The following DAPK2 variants were observed in gnomAD, a reference collection of about 807,000 sequenced individuals.
DAPK2 encodes death-associated protein kinase 2.
Under a neutral mutation model 44.1 loss-of-function variants are expected in DAPK2, and 35 were observed. The ratio of observed to expected loss-of-function variants is 0.79; its 90% CI spans 0.61 to 1.05. The LOEUF is 1.05. Among genes scored for constraint, DAPK2 ranks in the 50% least tolerant of loss-of-function variants. The probability of loss-of-function intolerance (pLI) is 0.00; values close to 1 mark genes in which losing one functional copy is unlikely to be tolerated. For missense variants in DAPK2, 453 were observed against 483.2 expected, an observed-to-expected ratio of 0.94 and a Z score of 0.59; for synonymous variants, 174 against 182.6, an observed-to-expected ratio of 0.95 and a Z score of 0.38.
At chr15:63,999,014 C>G (rs76604991) in intron 1 of DAPK2, among the ~76,000 whole-genome samples, 12,642 of 152,190 alleles carry the variant, frequency 0.083, 761 homozygotes, top group South Asian at 0.31. Context: ...GAGGGCAGGG[C>G]TGTTTTGTGA....
At chr15:63,946,834 C>T (rs1462400866) in intron 3 of DAPK2, among the ~76,000 whole-genome samples, 1 of 152,160 alleles carries the variant, frequency 6.6e-6, no homozygotes. Context: ...AGCTGCCTAC[C>T]AATCTTCACC....
intron 3 of DAPK2, among the ~76,000 whole-genome samples, chr15:63,967,749 T>C (rs2078097410): frequency 6.6e-6 from 1 of 152,132 alleles, no homozygotes; most frequent in South Asian, 2.1e-4. Flanking sequence ...GAGCATGTGG[T>C]GAGCAGGGAC....
At chr15:63,971,347 T>G in intron 3 of DAPK2, 76 bp downstream of exon 4, 1 of 1,565,122 alleles carries the variant, frequency 6.4e-7, no homozygotes, top group Non-Finnish European at 8.7e-7. Context: ...ACTGGGCCCA[T>G]CCTGGGAAAG....
At chr15:63,925,978 T>C (rs759054798) in exon 7 of DAPK2, 4 of 1,614,180 alleles carry the variant, frequency 2.5e-6, no homozygotes, top group Admixed American at 1.7e-5. Flanking sequence ...ATAAAGTCCT[T>C]GGCCAGCTCG....
At chr15:63,958,684 G>A (rs529531682) in intron 3 of DAPK2, among the ~76,000 whole-genome samples, 20 of 152,216 alleles carry the variant, frequency 1.3e-4, no homozygotes, top group African/African-American at 2.2e-4. Context: ...TATTATTTCC[G>A]AGGGCTCTAT....
At chr15:64,025,230 G>A (rs2079804838) in intron 1 of DAPK2, among the ~76,000 whole-genome samples, 1 of 152,158 alleles carries the variant, frequency 6.6e-6, no homozygotes, top group Admixed American at 6.5e-5. Context: ...CAATCTCTAA[G>A]ATTCAGCTTC....
chr15:64,009,384 G>A (rs966474007), intron 1 of DAPK2, among the ~76,000 whole-genome samples: 5 of 151,968 alleles, frequency 3.3e-5, no homozygotes, highest in South Asian at 2.1e-4. Flanking sequence ...GTCCTACAAC[G>A]CAGACATCAT....
chr15:63,920,587 T>A (rs1410419952), intron 8 of DAPK2: 1 of 152,220 alleles, frequency 6.6e-6, no homozygotes, highest in Non-Finnish European at 1.5e-5. Context: ...TTTGAAATGA[T>A]CCTTCATGCA....
chr15:63,914,591 C>A (rs980908770), intron 8 of DAPK2, among the ~76,000 whole-genome samples: 4 of 152,144 alleles, frequency 2.6e-5, no homozygotes, highest in African/African-American at 9.7e-5. Context: ...CTTCTCCAAG[C>A]CTTCCAGTGG....
intron 1 of DAPK2, among the ~76,000 whole-genome samples, chr15:64,016,889 AAGGAAGGAAGG>A (rs1407700593): frequency 1.3e-5 from 2 of 149,172 alleles, no homozygotes; most frequent in African/African-American, 2.5e-5. Context: ...GGAAGGAAGG[AAGGAAGGAAGG>A]ACGGACATGT....
intron 3 of DAPK2, among the ~76,000 whole-genome samples, chr15:63,968,049 A>T (rs989611979): frequency 6.6e-6 from 1 of 152,190 alleles, no homozygotes; most frequent in Non-Finnish European, 1.5e-5. Context: ...GAAAATCAGG[A>T]AGAAAAATGT....
intron 1 of DAPK2, among the ~76,000 whole-genome samples, chr15:64,025,421 C>T (rs922177): frequency 0.2 from 30,157 of 152,112 alleles, 3,067 homozygotes; most frequent in South Asian, 0.24. Context: ...CAGGATTGAC[C>T]TAGGTGGACA....
intron 7 of DAPK2, among the ~76,000 whole-genome samples, chr15:63,925,453 AC>A (rs773963043): frequency 2.6e-5 from 4 of 151,408 alleles, no homozygotes; most frequent in Non-Finnish European, 5.9e-5. Flanking sequence ...TCCTTCTTTG[AC>A]CCCACAGCCA....
At chr15:63,964,613 A>C (rs536341153) in intron 3 of DAPK2, among the ~76,000 whole-genome samples, 4 of 151,776 alleles carry the variant, frequency 2.6e-5, no homozygotes, top group Non-Finnish European at 5.9e-5. Context: ...TATTTTCTAG[A>C]TGTTATAGGA....
chr15:64,003,188 A>T (rs1378954537), intron 1 of DAPK2, among the ~76,000 whole-genome samples: 2 of 152,140 alleles, frequency 1.3e-5, no homozygotes, highest in African/African-American at 2.4e-5. Flanking sequence ...CCCCTTGAGG[A>T]TAGAATGGAC....
intron 1 of DAPK2, among the ~76,000 whole-genome samples, chr15:64,005,827 A>G (rs11634730): frequency 0.084 from 12,743 of 152,140 alleles, 785 homozygotes; most frequent in South Asian, 0.31. Flanking sequence ...CCAGGAGTTC[A>G]GGACCAGCCA....
At chr15:63,934,989 G>C (rs2077097091) in intron 4 of DAPK2, among the ~76,000 whole-genome samples, 1 of 151,688 alleles carries the variant, frequency 6.6e-6, no homozygotes, top group East Asian at 1.9e-4. Flanking sequence ...ACATCTTTTA[G>C]AAGTTCTGCT....
rs4776669 is a variant in DAPK2, at chr15:63,923,176, G to A, written c.858+1640C>T. 4.6e-6 allele frequency: 7 copies of A among 1,535,630 alleles called. No individual in the cohort carries two copies. The African/African-American group carries it at 9.6e-5, about 21-fold the overall frequency. On this transcript the variant is annotated intron_variant, in intron 8 of 10. Coordinates refer to ENST00000261891, the Ensembl canonical transcript of DAPK2. This position sits in a 1 kb window ranked among gnomAD's most constrained non-coding sequence, Gnocchi z 4.2. ...CCACCAGGGCACGGCATCCCAGGTC[G>A]ACCCGAGCCACGTCTTCCACCACAC...
intron 3 of DAPK2, among the ~76,000 whole-genome samples, chr15:63,941,857 C>A (rs987130954): frequency 4.6e-5 from 7 of 152,178 alleles, no homozygotes; most frequent in African/African-American, 1.7e-4. Flanking sequence ...CACCCCTGAC[C>A]AGCCCACTGG....
Sources: gnomAD v4.1 joint callset for allele counts (sites outside exome capture counted in the v4.1 genomes callset) on GRCh38, gnomAD v4.1.1 for gene constraint, Gnocchi (gnomAD v3.1) non-coding constraint, MANE v1.5 for transcripts, NCBI Gene and HGNC (gene_info 2026-07-23, HGNC 2026-07-21) for gene names.